RHBDL3: variants seen among roughly 807,000 people sequenced by gnomAD.
The protein encoded by RHBDL3 is rhomboid like 3.
A neutral mutation model predicts 48.2 loss-of-function variants in RHBDL3; 28 were observed. That is an observed-to-expected ratio of 0.58 (90% CI 0.43 to 0.80). The LOEUF (loss-of-function observed/expected upper bound fraction) is 0.80, where lower values mean the gene tolerates loss of function less well. Ranked by LOEUF, RHBDL3 falls within the 30% of genes least tolerant of loss-of-function variation. The pLI, the probability that RHBDL3 is intolerant of heterozygous loss-of-function variation, is 0.00. For synonymous variants in RHBDL3, 208 were observed against 232.3 expected (o/e 0.90, Z 0.95); for missense variants, 464 against 542.7 (o/e 0.85, Z 1.44).
Position 32,283,317 on chromosome 17 carries a change from C to CTTTT in RHBDL3, c.136-1323_136-1320dup, listed in dbSNP as rs1156849774. 4.8e-3 allele frequency among the ~76,000 whole-genome samples: 450 copies of CTTTT among 92,876 alleles called. 1 individual carries two copies. Among genetic ancestry groups the CTTTT allele is most frequent in the African/African-American group, 6.3e-3 (145 of 23,018 alleles). The allele number at this position is 92,876 out of a possible 152,430, so 60.9% of individuals were successfully genotyped here. On this transcript the variant is annotated intron_variant, in intron 2 of 8. Coordinates refer to ENST00000269051, the MANE Select transcript of RHBDL3 (RefSeq NM_138328.3). Reference sequence around the variant, plus strand: ...GGTGACTAAGATCCTGCCTTTTCTTCTTTTTTTTTTTTTTTTTTTTTTGAG... The same window carrying CTTTT: ...GGTGACTAAGATCCTGCCTTTTCTTCTTTTTTTTTTTTTTTTTTTTTTTTTTGAG...
At chr17:32,281,684 A>G (rs935668449) in intron 2 of RHBDL3, among the ~76,000 whole-genome samples, 2 of 152,214 alleles carry the variant, frequency 1.3e-5, no homozygotes, top group African/African-American at 4.8e-5. Flanking sequence ...TGTGGTTGCC[A>G]CATTCCCTCT....
At position 32,273,790 on chromosome 17, in the gene RHBDL3, C is replaced by T. The variant is rs566449233; in HGVS notation, c.135+5865C>T. Among the ~76,000 whole-genome samples the T allele has an allele frequency of 1.8e-3, 275 of 152,308 alleles. 1 individual carries two copies. The highest frequency in any genetic ancestry group is 3.6e-3 in the Non-Finnish European group (242 of 68,028). On this transcript the variant is annotated intron_variant, in intron 2 of 8. Transcript: ENST00000269051. ...TCACCCCGTTGTCCAGGCTGGAATG[C>T]AGTGGTACAATCTCAGCTCACTGCA...
intron 6 of RHBDL3, among the ~76,000 whole-genome samples, chr17:32,301,071 G>A (rs761723293): frequency 6.6e-6 from 1 of 151,950 alleles, no homozygotes; most frequent in African/African-American, 2.4e-5. Flanking sequence ...TAGTAGAGAC[G>A]GGGTTTCACC....
chr17:32,290,170 A>C (rs952947637), intron 4 of RHBDL3, among the ~76,000 whole-genome samples: 1 of 152,330 alleles, frequency 6.6e-6, no homozygotes, highest in Admixed American at 6.5e-5. Context: ...TACAGCTACC[A>C]GGGGCCTAAG....
intron 3 of RHBDL3, among the ~76,000 whole-genome samples, chr17:32,287,418 G>A (rs2040223389): frequency 6.6e-6 from 1 of 152,210 alleles, no homozygotes; most frequent in African/African-American, 2.4e-5. Context: ...GAAGAACTAG[G>A]TCCAAGCTTT....
intron 2 of RHBDL3, among the ~76,000 whole-genome samples, chr17:32,269,990 G>T (rs2039732564): frequency 6.6e-6 from 1 of 151,922 alleles, no homozygotes; most frequent in Non-Finnish European, 1.5e-5. Flanking sequence ...GTCACAAAGA[G>T]CATACCCCTG....
At chr17:32,310,010 A>C (rs2040806811) in intron 7 of RHBDL3, among the ~76,000 whole-genome samples, 1 of 151,804 alleles carries the variant, frequency 6.6e-6, no homozygotes, top group African/African-American at 2.4e-5. Context: ...CAGCCTCCCA[A>C]AATGCTGGGA....
At chr17:32,311,017 G>T (rs2040836850) in intron 7 of RHBDL3, among the ~76,000 whole-genome samples, 1 of 151,498 alleles carries the variant, frequency 6.6e-6, no homozygotes, top group Admixed American at 6.6e-5. Context: ...CATTTCACAA[G>T]AAACCGTTTC....
Position 32,294,368 on chromosome 17 carries a change from G to A in RHBDL3, c.594G>A (p.Lys198=). ...AGGTAACTCATCCACGTTACTTGAAGAACTCCCTGGTTTACCACCCACAGC... is the reference window on the plus strand; with the variant it reads ...AGGTAACTCATCCACGTTACTTGAAAAACTCCCTGGTTTACCACCCACAGC... ...VLQVTHPRYL[K]NSLVYHPQLR... is the part of the protein sequence containing the mutation. Residue 198 remains lysine, a synonymous_variant, in exon 5 of 9, where the codon AAG becomes AAA. Transcript: ENST00000269051. 2 of 1,614,082 alleles carry A rather than the reference G, an allele frequency of 1.2e-6. No homozygotes were observed. Among genetic ancestry groups the A allele is most frequent in the Non-Finnish European group, 1.7e-6 (2 of 1,180,018 alleles).
intron 8 of RHBDL3, among the ~76,000 whole-genome samples, chr17:32,320,571 G>A (rs926102216): frequency 6.6e-5 from 10 of 152,230 alleles, no homozygotes; most frequent in Middle Eastern, 3.4e-3. Context: ...TGATCCACCC[G>A]CCTCGGCCTC....
At position 32,276,579 on chromosome 17, in the gene RHBDL3, G is replaced by T. The variant is rs541499301; in HGVS notation, c.136-8080G>T. On this transcript the variant is annotated intron_variant, in intron 2 of 8. Coordinates refer to ENST00000269051, the MANE Select transcript of RHBDL3 (RefSeq NM_138328.3). ...CAGAAGACGAGTAATGAGGCAGGGG[G>T]CCAGCAGTTGAGCCATGGTAACCTT... Among the ~76,000 whole-genome samples the T allele has an allele frequency of 2.0e-5, 3 of 152,236 alleles. No individual in the cohort carries two copies. The South Asian group carries it at 6.2e-4, about 32-fold the overall frequency.
intron 2 of RHBDL3, among the ~76,000 whole-genome samples, chr17:32,270,289 A>G (rs1193763275): frequency 4.6e-5 from 7 of 152,030 alleles, no homozygotes; most frequent in Admixed American, 3.9e-4. Context: ...AGAACCAGTC[A>G]AGTATCTCCT....
intron 8 of RHBDL3, among the ~76,000 whole-genome samples, chr17:32,320,617 C>T (rs2041103972): frequency 6.6e-6 from 1 of 152,224 alleles, no homozygotes; most frequent in African/African-American, 2.4e-5. Context: ...AGCCGCCGCA[C>T]CCGGCCAAAT....
intron 2 of RHBDL3, among the ~76,000 whole-genome samples, chr17:32,283,455 C>T (rs2040111382): frequency 6.6e-6 from 1 of 151,486 alleles, no homozygotes; most frequent in Non-Finnish European, 1.5e-5. Flanking sequence ...TCCCGAGTAG[C>T]TGGGACTACA....
chr17:32,275,082 C>G (rs1241266973), intron 2 of RHBDL3, among the ~76,000 whole-genome samples: 1 of 152,102 alleles, frequency 6.6e-6, no homozygotes, highest in Non-Finnish European at 1.5e-5. Context: ...CCAGAGAGAC[C>G]CTTTGGTGGC....
At chr17:32,310,092 A>C (rs2040808611) in intron 7 of RHBDL3, among the ~76,000 whole-genome samples, 1 of 152,100 alleles carries the variant, frequency 6.6e-6, no homozygotes, top group African/African-American at 2.4e-5. Context: ...GATACACCTA[A>C]TTGAATAATT....
intron 4 of RHBDL3, among the ~76,000 whole-genome samples, chr17:32,290,890 A>G (rs2040308873): frequency 6.6e-6 from 1 of 151,464 alleles, no homozygotes; most frequent in African/African-American, 2.4e-5. Context: ...GGTCCTAGCT[A>G]CGTGGGAGGC....
chr17:32,313,626 T>G lies in RHBDL3; in HGVS notation c.883-2606T>G, dbSNP rs547167948. ...CATTCTACTTTCTGTCTCCATGAATTTAATTACTCTATACTTCATCTAAGT... is the reference window on the plus strand; with the variant it reads ...CATTCTACTTTCTGTCTCCATGAATGTAATTACTCTATACTTCATCTAAGT... On this transcript the variant is annotated intron_variant, in intron 7 of 8. Transcript: ENST00000269051. Among the ~76,000 whole-genome samples the G allele has an allele frequency of 3.3e-5, 5 of 152,198 alleles. No homozygotes were observed. The East Asian group carries it at 9.6e-4, about 29-fold the overall frequency.
intron 2 of RHBDL3, among the ~76,000 whole-genome samples, chr17:32,270,993 A>G (rs887679827): frequency 3.3e-5 from 5 of 152,130 alleles, no homozygotes; most frequent in African/African-American, 1.2e-4. Flanking sequence ...CCCAGGAGTT[A>G]AAGACCAGCC....
Sources: allele counts gnomAD v4.1 joint callset (sites outside exome capture counted in the v4.1 genomes callset), GRCh38; gene constraint gnomAD v4.1.1; transcripts MANE v1.5; gene names NCBI Gene and HGNC (gene_info 2026-07-23, HGNC 2026-07-21).